Variants in NPFFR1 observed in about 807,000 individuals in gnomAD.
NPFFR1 encodes G-protein coupled receptor 147.
In NPFFR1, 17 loss-of-function variants were observed where a neutral mutation model predicts 12.7. The observed-to-expected ratio is 1.34, with a 90% CI of 0.92 to 2.01. The LOEUF (loss-of-function observed/expected upper bound fraction) is 2.01, where lower values mean the gene tolerates loss of function less well. Ranked by LOEUF, NPFFR1 falls within the 30% of genes most tolerant of loss-of-function variation. The pLI, the probability that NPFFR1 is intolerant of heterozygous loss-of-function variation, is 0.00. For missense variants in NPFFR1, 604 were observed against 606.5 expected (o/e 1.00, Z 0.04); for synonymous variants, 296 against 264.5 (o/e 1.12, Z -1.16).
intron 1 of NPFFR1, among the ~76,000 whole-genome samples, chr10:70,276,681 G>A (rs1297955427): frequency 6.8e-6 from 1 of 146,336 alleles, no homozygotes; most frequent in Non-Finnish European, 1.5e-5. Context: ...TTCACCTCCC[G>A]GGTTCAAGCA....
In NPFFR1 at chr10:70,252,969, G is replaced by A. The variant is rs1371758625; in HGVS notation, c.*1988C>T. ...GGGATAGGCATTTTGGGTTTGAGAC[G>A]GCCCTTTCTCTGGCTTACTTTTAGA... On this transcript the variant is annotated 3_prime_UTR_variant, in exon 4 of 4. Transcript: ENST00000277942. 2.0e-5 allele frequency: 3 copies of A among 152,100 alleles called. No homozygotes were observed. Among genetic ancestry groups the A allele is most frequent in the South Asian group, 2.1e-4 (1 of 4,818 alleles). 9.4% of individuals were successfully genotyped at this position (152,100 alleles called of 1,614,324 possible). A position where few individuals can be genotyped will look rare whatever the true frequency, so the allele number is the denominator to read the frequency against.
chr10:70,255,273 G>A lies in NPFFR1; in HGVS notation c.977C>T (p.Pro326Leu), dbSNP rs1163305550. The A allele has an allele frequency of 2.5e-6, 4 of 1,577,684 alleles. No individual in the cohort carries two copies. Among genetic ancestry groups the A allele is most frequent in the Non-Finnish European group, 3.4e-6 (4 of 1,167,020 alleles). The change falls in exon 4 of 4, where the codon CCC becomes CTC. Residue 326 changes from proline to leucine, a missense_variant. Pro to Leu is a moderately conservative substitution (Grantham distance 98). Transcript: ENST00000277942. The surrounding 1 kb of genome is among the most constrained non-coding windows in gnomAD (Gnocchi z 4.2). ...CTCGTTGAAGTAGCCGTAGATGATG[G>A]GGTTGGCGCTGCTGTTGAAGAAGGC... is the stretch of plus-strand genomic sequence containing the variant. Reference protein sequence around the residue: ...WLAFFNSSANPIIYGYFNENF... With the variant: ...WLAFFNSSANLIIYGYFNENF...
In NPFFR1 at chr10:70,248,060, A is replaced by G. The variant is rs1840467114; in HGVS notation, c.*6897T>C. The G allele has an allele frequency of 6.6e-6, 1 of 151,960 alleles. No individual in the cohort carries two copies. The highest frequency in any genetic ancestry group is 2.1e-4 in the South Asian group (1 of 4,812). 9.4% of individuals were successfully genotyped at this position (151,960 alleles called of 1,614,324 possible). A position where few individuals can be genotyped will look rare whatever the true frequency, so the allele number is the denominator to read the frequency against. ...GGTTTTATTTTTAGGATTATGGGAG[A>G]CCTCCATCAAGGCTCTTTCTTTTAC... On this transcript the variant is annotated 3_prime_UTR_variant, in exon 4 of 4. Transcript: ENST00000277942.
intron 3 of NPFFR1, among the ~76,000 whole-genome samples, chr10:70,259,694 C>T (rs527453248): frequency 6.6e-6 from 1 of 152,110 alleles, no homozygotes; most frequent in African/African-American, 2.4e-5. Flanking sequence ...TATGCCTGTG[C>T]TGGGGAGAGA....
rs529612522 is a variant in NPFFR1, at chr10:70,248,361, A to C, written c.*6596T>G. 2 of 152,300 alleles carry C rather than the reference A, an allele frequency of 1.3e-5. No individual in the cohort carries two copies. Among genetic ancestry groups the C allele is most frequent in the East Asian group, 3.9e-4 (2 of 5,190 alleles). 9.4% of individuals were successfully genotyped at this position (152,300 alleles called of 1,614,324 possible). A position where few individuals can be genotyped will look rare whatever the true frequency, so the allele number is the denominator to read the frequency against. Reference sequence around the variant, plus strand: ...TATGCACCAGGCAATATCCTACCTGAATCCACAAAGGTAAGTGAAATAGAC... The same window carrying C: ...TATGCACCAGGCAATATCCTACCTGCATCCACAAAGGTAAGTGAAATAGAC... On this transcript the variant is annotated 3_prime_UTR_variant, in exon 4 of 4. Transcript: ENST00000277942.
chr10:70,255,371 G>A lies in NPFFR1; in HGVS notation c.879C>T (p.Ile293=), dbSNP rs1004080596. 6.4e-7 allele frequency: 1 copy of A among 1,554,420 alleles called. No individual in the cohort carries two copies. The highest frequency in any genetic ancestry group is 1.2e-5 in the South Asian group (1 of 84,650). Residue 293 remains isoleucine (I), a synonymous_variant, in exon 4 of 4, where the codon ATC becomes ATT. Coordinates refer to ENST00000277942, the MANE Select transcript of NPFFR1 (RefSeq NM_022146.5). This position sits in a 1 kb window ranked among gnomAD's most constrained non-coding sequence, Gnocchi z 4.2. ...WLPLWALLLL[I]DYGQLSAPQL... is the part of the protein sequence containing the mutation. ...GCGGCGCGCTGAGCTGCCCGTAGTC[G>A]ATGAGCAGCAGCAGCGCCCAGAGCG...
intron 1 of NPFFR1, among the ~76,000 whole-genome samples, chr10:70,280,719 C>A (rs928488345): frequency 3.3e-5 from 5 of 152,006 alleles, no homozygotes; most frequent in Non-Finnish European, 7.4e-5. Flanking sequence ...TAAAAGAATT[C>A]TAGGCTGGGC....
Position 70,255,809 on chromosome 10 carries a change from G to A in NPFFR1, c.441C>T (p.His147=). Residue 147 remains histidine (H), a synonymous_variant, in exon 4 of 4, where the codon CAC becomes CAT. Transcript: ENST00000277942. This position sits in a 1 kb window ranked among gnomAD's most constrained non-coding sequence, Gnocchi z 4.2. ...GCAGGGTCAGCTTCTCGCGGAAAGG[G>A]TGCACGATGCAGCGGAACCTGCCGC... ...IAVERFRCIV[H]PFREKLTLRK... 9 of 1,609,538 alleles carry A rather than the reference G, an allele frequency of 5.6e-6. No homozygotes were observed. Among genetic ancestry groups the A allele is most frequent in the Non-Finnish European group, 7.6e-6 (9 of 1,178,086 alleles).
chr10:70,255,422 C>A lies in NPFFR1; in HGVS notation c.828G>T (p.Ala276=). The stretch of plus-strand genomic sequence containing the variant: ...GCAGCCAGGACAGCGTGAAGAACAG[C>A]GCCACCATGACCAGCATGTGCACCA... ...ARVVHMLVMV[A]LFFTLSWLPL... The change falls in exon 4 of 4, where the codon GCG becomes GCT. Residue 276 remains alanine, a synonymous_variant. Transcript: ENST00000277942. This position sits in a 1 kb window ranked among gnomAD's most constrained non-coding sequence, Gnocchi z 4.2. 6.5e-7 allele frequency: 1 copy of A among 1,546,516 alleles called. No homozygotes were observed. The highest frequency in any genetic ancestry group is 2.4e-5 in the East Asian group (1 of 40,906).
Position 70,255,024 on chromosome 10 carries a change from TG to T in NPFFR1, c.1225del (p.His409ThrfsTer51). 6.9e-7 allele frequency: 1 copy of T among 1,440,808 alleles called. No individual in the cohort carries two copies. Among genetic ancestry groups the T allele is most frequent in the African/African-American group, 1.5e-5 (1 of 66,982 alleles). The allele number at this position is 1,440,808 out of a possible 1,614,324, so 89.3% of individuals were successfully genotyped here. A position where few individuals can be genotyped will look rare whatever the true frequency, so the allele number is the denominator to read the frequency against. ...GCCAGGCCCTTCCCTGGGCAAGCCG[TG>T]GTGAGCCACCCGCCCATTCCGCAGC... ...LPLRNGRVAHHGLPREGPGCS... is the reference protein window; with the variant it reads ...LPLRNGRVAHXGLPREGPGCS... On this transcript the variant is annotated frameshift_variant, in exon 4 of 4. Coordinates refer to ENST00000277942, the MANE Select transcript of NPFFR1 (RefSeq NM_022146.5). LOFTEE classifies it low-confidence loss of function (END_TRUNC). The surrounding 1 kb of genome is among the most constrained non-coding windows in gnomAD (Gnocchi z 4.2).
At chr10:70,269,277 C>T (rs1040887494) in intron 1 of NPFFR1, among the ~76,000 whole-genome samples, 4 of 152,076 alleles carry the variant, frequency 2.6e-5, no homozygotes, top group Admixed American at 1.3e-4. Flanking sequence ...CCGCCTCGGC[C>T]TCCTGAGTAG....
chr10:70,258,801 G>A (rs1840603455), intron 3 of NPFFR1, among the ~76,000 whole-genome samples: 1 of 152,162 alleles, frequency 6.6e-6, no homozygotes, highest in African/African-American at 2.4e-5. Context: ...ATGGCTGTTT[G>A]GAGTCAGAGC....
At position 70,251,929 on chromosome 10, in the gene NPFFR1, G is replaced by A. The variant is rs1840515958; in HGVS notation, c.*3028C>T. The A allele has an allele frequency of 6.6e-6, 1 of 152,218 alleles. No individual in the cohort carries two copies. The highest frequency in any genetic ancestry group is 2.1e-4 in the South Asian group (1 of 4,828). 9.4% of individuals were successfully genotyped at this position (152,218 alleles called of 1,614,324 possible). ...CCAGCAGAAGCCCAGAGCAGCTGGG[G>A]TGGGCACAGGGAAGTGAGACACATC... is the stretch of plus-strand genomic sequence containing the variant. On this transcript the variant is annotated 3_prime_UTR_variant, in exon 4 of 4. Transcript: ENST00000277942.
At chr10:70,256,743 T>C (rs1840576945) in intron 3 of NPFFR1, among the ~76,000 whole-genome samples, 1 of 152,200 alleles carries the variant, frequency 6.6e-6, no homozygotes, top group Non-Finnish European at 1.5e-5. Flanking sequence ...TGTTAAGCAG[T>C]TGGCTCAAGT....
Position 70,254,068 on chromosome 10 carries a change from GT to G in NPFFR1, c.*888del, listed in dbSNP as rs1840537877. The G allele has an allele frequency of 6.6e-6, 1 of 152,224 alleles. No homozygotes were observed. Among genetic ancestry groups the G allele is most frequent in the Non-Finnish European group, 1.5e-5 (1 of 68,056 alleles). The allele number at this position is 152,224 out of a possible 1,614,324, so 9.4% of individuals were successfully genotyped here. ...ACCTGCAGCCCCAGTGAGCAGATGT[GT>G]TTCCCAATGTGGAAAATGCATACCG... On this transcript the variant is annotated 3_prime_UTR_variant, in exon 4 of 4. Transcript: ENST00000277942.
rs374289426 is a variant in NPFFR1, at chr10:70,266,288, C to G, written c.111G>C (p.Gln37His). The G allele has an allele frequency of 6.2e-7, 1 of 1,613,822 alleles. No homozygotes were observed. ...ATNLTFSSYY[Q>H]HTSPVAAMFI... ...ACATGGCCGCCACAGGGGAGGTGTG[C>G]TGATAGTAGGAGGAGAAGGTGAGGT... The change falls in exon 2 of 4, where the codon CAG becomes CAC. Residue 37 changes from glutamine to histidine, a missense_variant. By Grantham distance (24) the Gln-to-His change is conservative. Coordinates refer to ENST00000277942, the MANE Select transcript of NPFFR1 (RefSeq NM_022146.5).
intron 1 of NPFFR1, 81 bp from the exon 2 acceptor site, chr10:70,266,472 T>C (rs1840692824): frequency 1.7e-6 from 2 of 1,168,232 alleles, no homozygotes; most frequent in Non-Finnish European, 2.4e-6. Flanking sequence ...AGACCCTCTG[T>C]GTGCCAAACC....
At position 70,266,241 on chromosome 10, in the gene NPFFR1, A is replaced by G. The variant is rs1320710795; in HGVS notation, c.158T>C (p.Ile53Thr). 1 of 1,614,032 alleles carries G rather than the reference A, an allele frequency of 6.2e-7. No individual in the cohort carries two copies. The highest frequency in any genetic ancestry group is 1.7e-5 in the Admixed American group (1 of 60,024). Residue 53 changes from isoleucine to threonine, a missense_variant, in exon 2 of 4, where the codon ATC (isoleucine) becomes ACC (threonine). By Grantham distance (89) the Ile-to-Thr change is moderately conservative. Transcript: ENST00000277942. The stretch of plus-strand genomic sequence containing the variant: ...GTTGCCCACCATGCAGAGCAGGAAG[A>G]TGAGCGCATAGGCCACAATGAACAT... ...AAMFIVAYAL[I>T]FLLCMVGNTL...
rs1840550346 is a variant in NPFFR1, at chr10:70,255,247, T to G, written c.1003A>C (p.Asn335His). 3.8e-6 allele frequency: 6 copies of G among 1,562,888 alleles called. No homozygotes were observed. Among genetic ancestry groups the G allele is most frequent in the Non-Finnish European group, 5.2e-6 (6 of 1,159,446 alleles). ...GCGGCCTGGAAGCCGCGGCGGAAGT[T>G]CTCGTTGAAGTAGCCGTAGATGATG... ...NPIIYGYFNE[N>H]FRRGFQAAFR... The change falls in exon 4 of 4, where the codon AAC becomes CAC. Residue 335 changes from asparagine to histidine, a missense_variant. Coordinates refer to ENST00000277942, the MANE Select transcript of NPFFR1 (RefSeq NM_022146.5). This position sits in a 1 kb window ranked among gnomAD's most constrained non-coding sequence, Gnocchi z 4.2.
Sources: gnomAD v4.1 joint callset for allele counts (sites outside exome capture counted in the v4.1 genomes callset) on GRCh38, gnomAD v4.1.1 for gene constraint, Gnocchi (gnomAD v3.1) non-coding constraint, MANE v1.5 for transcripts, NCBI Gene and HGNC (gene_info 2026-07-23, HGNC 2026-07-21) for gene names.